SCN11A: variants seen among roughly 807,000 people sequenced by gnomAD.
SCN11A encodes sodium voltage-gated channel alpha subunit 11.
In SCN11A, 122 loss-of-function variants were observed where a neutral mutation model predicts 162.2. That is an observed-to-expected ratio of 0.75 (90% CI 0.65 to 0.87). SCN11A has a LOEUF of 0.87. SCN11A is among the 40% of genes least tolerant of loss of function. The pLI, the probability that SCN11A is intolerant of heterozygous loss-of-function variation, is 0.00. For synonymous variants in SCN11A, 758 were observed against 751.5 expected, an observed-to-expected ratio of 1.01 and a Z score of -0.14; for missense variants, 2,015 against 2,181.6, an observed-to-expected ratio of 0.92 and a Z score of 1.52.
rs766893425 is a variant in SCN11A at position 38,910,210 on chromosome 3, A to G, written c.960-3T>C. ...ATTCATATTGTATGGAACAGGCACT[A>G]GATATTGGAAACAAACAGAGAAATA... On this transcript the variant is annotated splice_polypyrimidine_tract_variant and splice_region_variant and intron_variant, in intron 11 of 29. Transcript: ENST00000302328. 1 of 1,607,396 alleles carries G rather than the reference A, an allele frequency of 6.2e-7. No homozygotes were observed. Among genetic ancestry groups the G allele is most frequent in the Non-Finnish European group, 8.5e-7 (1 of 1,176,746 alleles).
In SCN11A at chr3:38,896,929, C is replaced by T. The variant is rs1370117026; in HGVS notation, c.2319G>A (p.Met773Ile). 6 of 1,613,664 alleles carry T rather than the reference C, an allele frequency of 3.7e-6. No homozygotes were observed. Among genetic ancestry groups the T allele is most frequent in the Non-Finnish European group, 5.1e-6 (6 of 1,179,988 alleles). The change falls in exon 18 of 30, where the codon ATG becomes ATA. Residue 773 changes from methionine to isoleucine, a missense_variant. Met to Ile is a conservative substitution (Grantham distance 10, BLOSUM62 1). Coordinates refer to ENST00000302328, the MANE Select transcript of SCN11A (RefSeq NM_001349253.2). Reference protein sequence around the residue: ...RILCGEWIENMWECMQEANAS... With the variant: ...RILCGEWIENIWECMQEANAS... ...CATTCGCTTCTTGCATACATTCCCA[C>T]ATATTTTCGATCCATTCCCCGCAGA...
At chr3:38,950,513 T>C (rs996661279) in intron 4 of SCN11A, 144 bp from the exon 5 acceptor site, 32 of 774,822 alleles carry the variant, frequency 4.1e-5, no homozygotes, top group African/African-American at 1.6e-4. Context: ...TGGGAGCTGA[T>C]TGGCTGTGAA....
chr3:39,033,217 AAG>A (rs1460127619), intron 1 of SCN11A, among the ~76,000 whole-genome samples: 2 of 152,102 alleles, frequency 1.3e-5, no homozygotes, highest in Non-Finnish European at 2.9e-5. Flanking sequence ...TGGCAGAAGA[AAG>A]ATCAAACTTC....
chr3:39,051,190 CG>C (rs2032360310), intron 1 of SCN11A, among the ~76,000 whole-genome samples: 1 of 151,500 alleles, frequency 6.6e-6, no homozygotes, highest in African/African-American at 2.4e-5. Context: ...ACTTGTGTCA[CG>C]GGTGTTTGTT....
Position 38,899,008 on chromosome 3 carries a change from C to G in SCN11A, c.2022+886G>C, listed in dbSNP as rs539629352. On this transcript the variant is annotated intron_variant, in intron 17 of 29. Coordinates refer to ENST00000302328, the MANE Select transcript of SCN11A (RefSeq NM_001349253.2). Reference sequence around the variant, plus strand: ...AAGCTTAATAACACCTGACTTTGAGCAGTGTAACCTCTTACTATATCCCAA... The same window carrying G: ...AAGCTTAATAACACCTGACTTTGAGGAGTGTAACCTCTTACTATATCCCAA... Among the ~76,000 whole-genome samples, 31 of 152,156 alleles carry G rather than the reference C, an allele frequency of 2.0e-4. No individual in the cohort carries two copies. In the South Asian group the frequency reaches 3.5e-3, roughly 17 times the overall value.
At chr3:38,945,367 T>G (rs751649651) in intron 7 of SCN11A, 44 bp downstream of exon 7, 1 of 1,289,518 alleles carries the variant, frequency 7.8e-7, no homozygotes, top group South Asian at 1.2e-5. Flanking sequence ...TTAGGTATAT[T>G]TGTTTAAAAA....
intron 11 of SCN11A, among the ~76,000 whole-genome samples, chr3:38,913,161 T>G (rs960985437): frequency 1.3e-5 from 2 of 152,198 alleles, no homozygotes; most frequent in Non-Finnish European, 2.9e-5. Flanking sequence ...TTTTTGACTC[T>G]AATGATAGCC....
chr3:38,906,967 G>A (rs927192447), intron 14 of SCN11A, among the ~76,000 whole-genome samples: 1 of 151,958 alleles, frequency 6.6e-6, no homozygotes, highest in Non-Finnish European at 1.5e-5. Context: ...GTTTTCTAAT[G>A]GGTCATGTTC....
chr3:38,908,961 C>A, intron 13 of SCN11A, 36 bp downstream of exon 13: 2 of 1,602,506 alleles, frequency 1.2e-6, no homozygotes, highest in African/African-American at 1.3e-5. Context: ...TTCCCCTCCC[C>A]AGAGCAGATC....
chr3:38,949,721 A>T (rs73828750), intron 5 of SCN11A, among the ~76,000 whole-genome samples: 2,428 of 152,328 alleles, frequency 0.016, 68 homozygotes, highest in African/African-American at 0.056. Context: ...TACAGATTTT[A>T]AAAGTGAAGA....
intron 2 of SCN11A, among the ~76,000 whole-genome samples, chr3:39,004,779 G>C (rs1198106220): frequency 6.6e-6 from 1 of 152,022 alleles, no homozygotes; most frequent in Non-Finnish European, 1.5e-5. Flanking sequence ...ATTATATGTA[G>C]AATTCCAGGT....
intron 23 of SCN11A, among the ~76,000 whole-genome samples, chr3:38,876,234 C>G (rs2065204838): frequency 6.6e-6 from 1 of 152,062 alleles, no homozygotes; most frequent in South Asian, 2.1e-4. Context: ...GGATTTAAGT[C>G]TAAGACCTGA....
At chr3:38,853,486 T>A (rs1379263188) in intron 28 of SCN11A, among the ~76,000 whole-genome samples, 1 of 152,236 alleles carries the variant, frequency 6.6e-6, no homozygotes, top group African/African-American at 2.4e-5. Flanking sequence ...AATCTCTCAC[T>A]ATATAAAAGA....
At chr3:39,049,223 C>A (rs1179877179) in intron 1 of SCN11A, among the ~76,000 whole-genome samples, 1 of 152,242 alleles carries the variant, frequency 6.6e-6, no homozygotes, top group African/African-American at 2.4e-5. Flanking sequence ...TCCCAGAAGG[C>A]ACCATAGCTA....
intron 28 of SCN11A, among the ~76,000 whole-genome samples, chr3:38,859,400 C>G (rs2064925935): frequency 6.6e-6 from 1 of 151,802 alleles, no homozygotes; most frequent in South Asian, 2.1e-4. Flanking sequence ...CATACATGCA[C>G]AAATTAGAAA....
At chr3:38,906,307 CT>C (rs1209095408) in intron 14 of SCN11A, among the ~76,000 whole-genome samples, 2 of 152,300 alleles carry the variant, frequency 1.3e-5, no homozygotes, top group Non-Finnish European at 2.9e-5. Flanking sequence ...GAACATCCCC[CT>C]CCTTAATGAT....
intron 13 of SCN11A, among the ~76,000 whole-genome samples, chr3:38,908,535 T>C (rs2065836974): frequency 6.6e-6 from 1 of 152,184 alleles, no homozygotes; most frequent in Non-Finnish European, 1.5e-5. Flanking sequence ...TGGAAGAATG[T>C]AAAGATTCCA....
chr3:38,864,636 C>T (rs914892363), intron 27 of SCN11A, among the ~76,000 whole-genome samples: 1 of 152,208 alleles, frequency 6.6e-6, no homozygotes, highest in East Asian at 1.9e-4. Context: ...ACTCTGTCCA[C>T]TAGAAAGGCT....
chr3:38,970,866 T>C (rs2066812398), intron 2 of SCN11A, among the ~76,000 whole-genome samples: 2 of 152,160 alleles, frequency 1.3e-5, no homozygotes, highest in Non-Finnish European at 2.9e-5. Context: ...GAGGGGCAGG[T>C]GTGGATGCTC....
Sources: gnomAD v4.1 joint callset for allele counts (sites outside exome capture counted in the v4.1 genomes callset) on GRCh38, gnomAD v4.1.1 for gene constraint, MANE v1.5 for transcripts, NCBI Gene and HGNC (gene_info 2026-07-23, HGNC 2026-07-21) for gene names.